The following SLC9A9 variants were observed in gnomAD, a reference collection of about 807,000 sequenced individuals.
SLC9A9 encodes the protein sodium/hydrogen exchanger 9.
SLC9A9 carries 62 observed loss-of-function variants against 77.8 expected under a neutral mutation model. That is an observed-to-expected ratio of 0.80 (90% CI 0.65 to 0.98). The LOEUF (loss-of-function observed/expected upper bound fraction) is 0.98. SLC9A9 is among the 50% of genes least tolerant of loss of function. The probability of loss-of-function intolerance (pLI) is 0.00; values close to 1 mark genes in which losing one functional copy is unlikely to be tolerated. For synonymous variants in SLC9A9, 320 were observed against 283.5 expected, an observed-to-expected ratio of 1.13 and a Z score of -1.29; for missense variants, 775 against 774.9, an observed-to-expected ratio of 1.00 and a Z score of 0.00.
chr3:143,324,379 G>C (rs1204081674), intron 14 of SLC9A9, among the ~76,000 whole-genome samples: 1 of 152,212 alleles, frequency 6.6e-6, no homozygotes, highest in Non-Finnish European at 1.5e-5. Flanking sequence ...CTGGTTTTCA[G>C]TTGCAGCCAG....
intron 6 of SLC9A9, among the ~76,000 whole-genome samples, chr3:143,588,872 G>A (rs569084088): frequency 2.0e-5 from 3 of 152,248 alleles, no homozygotes; most frequent in Admixed American, 2.0e-4. Context: ...ATGGCCTAAT[G>A]GGAATTTCTA....
intron 2 of SLC9A9, among the ~76,000 whole-genome samples, chr3:143,820,466 C>A (rs1272830459): frequency 2.6e-5 from 4 of 152,210 alleles, no homozygotes; most frequent in Non-Finnish European, 5.9e-5. Flanking sequence ...ATCGTACATC[C>A]TGGGTTTCCT....
Position 143,495,498 on chromosome 3 carries a change from GTGCACTTAC to G in SLC9A9, c.1090-59_1090-51del. On this transcript the variant is annotated intron_variant, in intron 9 of 15. Transcript: ENST00000316549. ...ACCATTAATTATAACTCAGGTTTGA[GTGCACTTAC>G]TTTCTGGTAACTGTATTTGACAACT... 3 of 1,367,458 alleles carry G rather than the reference GTGCACTTAC, an allele frequency of 2.2e-6. No homozygotes were observed. In the East Asian group the frequency reaches 6.9e-5, roughly 31 times the overall value. The allele number at this position is 1,367,458 out of a possible 1,614,324, so 84.7% of individuals were successfully genotyped here. A position where few individuals can be genotyped will look rare whatever the true frequency, so the allele number is the denominator to read the frequency against.
rs113796657 is a variant in SLC9A9 at position 143,499,577 on chromosome 3, A to T, written c.1090-4129T>A. Among the ~76,000 whole-genome samples the T allele has an allele frequency of 8.8e-3, 1,340 of 152,152 alleles. 18 individuals carry two copies. The highest frequency in any genetic ancestry group is 0.03 in the African/African-American group (1,241 of 41,538). Reference sequence around the variant, plus strand: ...ACAGTCATGTTGCTTTCAAATAAGGATAGGTTTTTTTCCTTTCCAGTCATC... The same window carrying T: ...ACAGTCATGTTGCTTTCAAATAAGGTTAGGTTTTTTTCCTTTCCAGTCATC... On this transcript the variant is annotated intron_variant, in intron 9 of 15. Coordinates refer to ENST00000316549, the MANE Select transcript of SLC9A9 (RefSeq NM_173653.4).
intron 12 of SLC9A9, among the ~76,000 whole-genome samples, chr3:143,404,056 A>C (rs1191769563): frequency 6.6e-6 from 1 of 152,068 alleles, no homozygotes; most frequent in Admixed American, 6.5e-5. Context: ...TGTATCATCA[A>C]GTTCACTGAC....
At chr3:143,431,640 C>T (rs2034518673) in intron 12 of SLC9A9, among the ~76,000 whole-genome samples, 1 of 152,036 alleles carries the variant, frequency 6.6e-6, no homozygotes, top group Admixed American at 6.6e-5. Flanking sequence ...CGCCACCATG[C>T]CCGGCTAATT....
chr3:143,266,695 A>G lies in SLC9A9; in HGVS notation c.*7T>C. 1.9e-6 allele frequency: 3 copies of G among 1,613,990 alleles called. No homozygotes were observed. The highest frequency in any genetic ancestry group is 2.5e-6 in the Non-Finnish European group (3 of 1,179,926). Reference sequence around the variant, plus strand: ...ACTTGTGATTACATCTGTACTCTTCATGCCAATTAATTCAACTGGGATTGA... The same window carrying G: ...ACTTGTGATTACATCTGTACTCTTCGTGCCAATTAATTCAACTGGGATTGA... On this transcript the variant is annotated 3_prime_UTR_variant, in exon 16 of 16. Transcript: ENST00000316549.
At chr3:143,564,660 A>G (rs2037138896) in intron 8 of SLC9A9, among the ~76,000 whole-genome samples, 1 of 152,170 alleles carries the variant, frequency 6.6e-6, no homozygotes, top group African/African-American at 2.4e-5. Flanking sequence ...AAAGAGTACA[A>G]TTACCATCTA....
chr3:143,436,393 T>G (rs564152693), intron 12 of SLC9A9, among the ~76,000 whole-genome samples: 1 of 152,208 alleles, frequency 6.6e-6, no homozygotes, highest in African/African-American at 2.4e-5. Context: ...TGCTCATCAC[T>G]GCTCACAAAA....
chr3:143,542,384 A>G (rs1360692020), intron 9 of SLC9A9, among the ~76,000 whole-genome samples: 2 of 152,268 alleles, frequency 1.3e-5, no homozygotes, highest in Non-Finnish European at 2.9e-5. Flanking sequence ...TCTATGCTTT[A>G]TGAAGATATC....
intron 6 of SLC9A9, among the ~76,000 whole-genome samples, chr3:143,607,883 T>C (rs1239835254): frequency 6.6e-6 from 1 of 151,988 alleles, no homozygotes; most frequent in Admixed American, 6.6e-5. Context: ...TTATGTTTTA[T>C]AGCACAAATA....
chr3:143,359,468 T>C (rs2032680288), intron 14 of SLC9A9, among the ~76,000 whole-genome samples: 1 of 151,940 alleles, frequency 6.6e-6, no homozygotes, highest in Admixed American at 6.6e-5. Context: ...GTCTCACTGA[T>C]GAGTTGAATG....
chr3:143,667,252 A>T (rs1353192962), intron 5 of SLC9A9, among the ~76,000 whole-genome samples: 8 of 152,180 alleles, frequency 5.3e-5, no homozygotes, highest in East Asian at 3.8e-4. Flanking sequence ...ATTTAATAAA[A>T]GGTGCTGGGA....
At chr3:143,610,643 G>A (rs35175368) in intron 6 of SLC9A9, among the ~76,000 whole-genome samples, 18,784 of 152,232 alleles carry the variant, frequency 0.12, 1,480 homozygotes, top group Non-Finnish European at 0.18. Context: ...GGAGTGGGAT[G>A]CAGCCCTGAC....
At chr3:143,564,270 C>T (rs1472791395) in intron 8 of SLC9A9, among the ~76,000 whole-genome samples, 5 of 152,104 alleles carry the variant, frequency 3.3e-5, no homozygotes, top group East Asian at 1.9e-4. Context: ...TTGATGAAGC[C>T]GTCAGATACA....
chr3:143,557,541 T>C (rs1195099357), intron 8 of SLC9A9, among the ~76,000 whole-genome samples: 1 of 152,144 alleles, frequency 6.6e-6, no homozygotes, highest in Non-Finnish European at 1.5e-5. Context: ...GACAGGAAGA[T>C]ATGGGAAAGT....
chr3:143,609,077 G>C (rs2037975805), intron 6 of SLC9A9, among the ~76,000 whole-genome samples: 1 of 152,162 alleles, frequency 6.6e-6, no homozygotes, highest in African/African-American at 2.4e-5. Flanking sequence ...TCTCACTCCA[G>C]TGAGTGAAAG....
intron 8 of SLC9A9, among the ~76,000 whole-genome samples, chr3:143,560,364 T>C (rs1287047977): frequency 6.6e-6 from 1 of 152,226 alleles, no homozygotes; most frequent in African/African-American, 2.4e-5. Flanking sequence ...TCCCTTATTC[T>C]TGACCTCTTA....
At chr3:143,457,880 T>C (rs1263395789) in intron 12 of SLC9A9, among the ~76,000 whole-genome samples, 4 of 152,210 alleles carry the variant, frequency 2.6e-5, no homozygotes, top group Non-Finnish European at 4.4e-5. Flanking sequence ...TTTGCTGTAA[T>C]TGTAAGCACT....
Sources: allele counts gnomAD v4.1 joint callset (sites outside exome capture counted in the v4.1 genomes callset), GRCh38; gene constraint gnomAD v4.1.1; transcripts MANE v1.5; gene names NCBI Gene and HGNC (gene_info 2026-07-23, HGNC 2026-07-21).